The following UNC5D variants were observed in gnomAD, a reference collection of about 807,000 sequenced individuals.
UNC5D encodes the protein netrin receptor UNC5D.
A neutral mutation model predicts 105.4 loss-of-function variants in UNC5D; 39 were observed. The ratio of observed to expected loss-of-function variants is 0.37; its 90% CI spans 0.29 to 0.48. UNC5D has a LOEUF of 0.48. UNC5D is among the 20% of genes least tolerant of loss of function. The pLI, the probability that UNC5D is intolerant of heterozygous loss-of-function variation, is 0.98. For missense variants in UNC5D, 991 were observed against 1,202.4 expected, an observed-to-expected ratio of 0.82 and a Z score of 2.60; for synonymous variants, 452 against 450.4, an observed-to-expected ratio of 1.00 and a Z score of -0.04.
At chr8:35,766,452 A>G (rs975129857) in intron 14 of UNC5D, among the ~76,000 whole-genome samples, 2 of 152,130 alleles carry the variant, frequency 1.3e-5, no homozygotes, top group African/African-American at 2.4e-5. Context: ...TGTGGTGTGG[A>G]GTTAAGTTCT....
In UNC5D at chr8:35,494,380, G is replaced by A. The variant is rs143020615; in HGVS notation, c.104-54912G>A. Among the ~76,000 whole-genome samples the A allele has an allele frequency of 1.8e-3, 276 of 151,956 alleles. 2 individuals carry two copies. The highest frequency in any genetic ancestry group is 3.4e-3 in the Middle Eastern group (1 of 294). ...TAATGAAATTTTATTTACATATTAG[G>A]ATTATTTCCCTTGATAATAGAGGTA... On this transcript the variant is annotated intron_variant, in intron 1 of 16. Coordinates refer to ENST00000404895, the MANE Select transcript of UNC5D (RefSeq NM_080872.4).
rs920971516 is a variant in UNC5D, at chr8:35,342,765, G to A, written c.103+106878G>A. Among the ~76,000 whole-genome samples the A allele has an allele frequency of 5.9e-5, 9 of 152,002 alleles. No homozygotes were observed. The South Asian group carries it at 8.3e-4, about 14-fold the overall frequency. ...CTAGCTCAGGGGAGACACTGTGCTC[G>A]ATCACCTCCATTTAGATTCTATGCT... On this transcript the variant is annotated intron_variant, in intron 1 of 16. Coordinates refer to ENST00000404895, the MANE Select transcript of UNC5D (RefSeq NM_080872.4).
intron 1 of UNC5D, among the ~76,000 whole-genome samples, chr8:35,244,086 T>C (rs535664712): frequency 3.4e-4 from 52 of 152,316 alleles, no homozygotes; most frequent in African/African-American, 1.2e-3. Flanking sequence ...GTTTAATTCA[T>C]GTGCATGCAA....
At chr8:35,426,787 G>A (rs1393801631) in intron 1 of UNC5D, among the ~76,000 whole-genome samples, 2 of 152,116 alleles carry the variant, frequency 1.3e-5, no homozygotes, top group Non-Finnish European at 2.9e-5. Context: ...AACCATTATT[G>A]TTAGCTAGAC....
In UNC5D at chr8:35,726,326, T is replaced by A; in HGVS notation, c.1478T>A (p.Leu493Gln). ...VKVQSSFMVS[L>Q]GVSERAEYHG... ...GTCCAGAGCTCGTTCATGGTTTCCCTGGGAGTGTCTGAGAGAGCTGAGTAC... is the reference window on the plus strand; with the variant it reads ...GTCCAGAGCTCGTTCATGGTTTCCCAGGGAGTGTCTGAGAGAGCTGAGTAC... The change falls in exon 10 of 17, where the codon CTG (leucine) becomes CAG (glutamine). Residue 493 changes from leucine (L) to glutamine (Q), a missense_variant. Physicochemically the swap from Leu to Gln is moderately radical, Grantham distance 113. Coordinates refer to ENST00000404895, the MANE Select transcript of UNC5D (RefSeq NM_080872.4). 6.2e-7 allele frequency: 1 copy of A among 1,614,130 alleles called. No individual in the cohort carries two copies. Among genetic ancestry groups the A allele is most frequent in the Non-Finnish European group, 8.5e-7 (1 of 1,180,000 alleles).
At chr8:35,677,258 A>G (rs1188801054) in intron 4 of UNC5D, among the ~76,000 whole-genome samples, 2 of 152,196 alleles carry the variant, frequency 1.3e-5, no homozygotes, top group African/African-American at 2.4e-5. Flanking sequence ...TTTTAAAAAT[A>G]CCCATGCCTC....
intron 4 of UNC5D, among the ~76,000 whole-genome samples, chr8:35,662,735 C>T (rs989809216): frequency 6.6e-6 from 1 of 152,250 alleles, no homozygotes; most frequent in Non-Finnish European, 1.5e-5. Flanking sequence ...TTTGTTAGAG[C>T]GGTGAGGTTT....
chr8:35,411,511 G>A (rs921842382), intron 1 of UNC5D, among the ~76,000 whole-genome samples: 14 of 152,066 alleles, frequency 9.2e-5, no homozygotes, highest in African/African-American at 3.4e-4. Context: ...GCCCAGAACA[G>A]TGCTCACACA....
At chr8:35,315,358 C>T (rs1363453416) in intron 1 of UNC5D, among the ~76,000 whole-genome samples, 4 of 152,116 alleles carry the variant, frequency 2.6e-5, no homozygotes, top group East Asian at 1.9e-4. Flanking sequence ...CCTTCATCTG[C>T]GCTCAGCTGT....
intron 1 of UNC5D, among the ~76,000 whole-genome samples, chr8:35,432,462 G>T (rs774176916): frequency 2.0e-5 from 3 of 152,228 alleles, no homozygotes; most frequent in African/African-American, 7.2e-5. Flanking sequence ...TGTCCAGGGT[G>T]CTGAAAAGCC....
rs754411894 is a variant in UNC5D at position 35,759,354 on chromosome 8, AGC to A, written c.2199_2200del (p.Gln733HisfsTer16). ...TCAGATGAAAGGCATCAAGGTGGAC[AGC>A]TCCTGGAAGAACCAAAATTGCTGCA... On this transcript the variant is annotated frameshift_variant, in exon 14 of 17. Transcript: ENST00000404895. LOFTEE classifies it high-confidence loss of function. 1.2e-6 allele frequency: 2 copies of A among 1,613,778 alleles called. No homozygotes were observed. Among genetic ancestry groups the A allele is most frequent in the Admixed American group, 3.3e-5 (2 of 59,936 alleles).
chr8:35,665,015 A>G, intron 4 of UNC5D, among the ~76,000 whole-genome samples: 1 of 151,886 alleles, frequency 6.6e-6, no homozygotes, highest in African/African-American at 2.4e-5. Context: ...TTAAGTTTTT[A>G]TAGAGACAGG....
chr8:35,743,149 T>C (rs1829843196), intron 11 of UNC5D, among the ~76,000 whole-genome samples: 1 of 152,324 alleles, frequency 6.6e-6, no homozygotes, highest in South Asian at 2.1e-4. Flanking sequence ...ACTTATATTG[T>C]AGCCTAGAAT....
At chr8:35,636,917 G>C (rs1563617422) in intron 4 of UNC5D, among the ~76,000 whole-genome samples, 1 of 152,234 alleles carries the variant, frequency 6.6e-6, no homozygotes, top group Non-Finnish European at 1.5e-5. Flanking sequence ...CTGTTGCCTA[G>C]TGAGACCAGG....
intron 1 of UNC5D, among the ~76,000 whole-genome samples, chr8:35,381,677 G>A (rs1803051777): frequency 1.3e-5 from 2 of 152,130 alleles, no homozygotes; most frequent in Admixed American, 1.3e-4. Flanking sequence ...CTGAAGCACT[G>A]CCATTAGTTT....
chr8:35,431,851 G>A (rs574838610), intron 1 of UNC5D, among the ~76,000 whole-genome samples: 7 of 151,908 alleles, frequency 4.6e-5, no homozygotes, highest in African/African-American at 9.6e-5. Flanking sequence ...TTATGAATTC[G>A]GATTTAACTC....
intron 1 of UNC5D, among the ~76,000 whole-genome samples, chr8:35,400,477 A>G (rs1357754584): frequency 6.6e-6 from 1 of 152,104 alleles, no homozygotes; most frequent in Non-Finnish European, 1.5e-5. Flanking sequence ...TCAGGCAGGG[A>G]CACTTTCTTC....
chr8:35,722,342 C>T lies in UNC5D; in HGVS notation c.1250C>T (p.Ser417Phe). The change falls in exon 9 of 17, where the codon TCT (serine) becomes TTT (phenylalanine). Residue 417 changes from serine to phenylalanine, a missense_variant. Physicochemically the swap from Ser to Phe is radical, Grantham distance 155. Around this residue, in one of 3 missense-constraint regions of UNC5D, gnomAD observed 944 missense variants for 1,131.6 expected, o/e 0.83. Coordinates refer to ENST00000404895, the MANE Select transcript of UNC5D (RefSeq NM_080872.4). ...QSDYGVDVID[S>F]SALTGGFQTF... ...GACTATGGCGTGGACGTCATTGACT[C>T]TTCTGCATTGACAGGTGGCTTCCAG... 1 of 1,614,146 alleles carries T rather than the reference C, an allele frequency of 6.2e-7. No individual in the cohort carries two copies.
chr8:35,478,925 G>C (rs908549670), intron 1 of UNC5D, among the ~76,000 whole-genome samples: 1 of 152,036 alleles, frequency 6.6e-6, no homozygotes, highest in Non-Finnish European at 1.5e-5. Flanking sequence ...TGTAGAAGAG[G>C]GTTTTAGAAA....
Sources: allele counts gnomAD v4.1 joint callset (sites outside exome capture counted in the v4.1 genomes callset), GRCh38; gene constraint gnomAD v4.1.1; regional missense constraint gnomAD v4.1.1; transcripts MANE v1.5; gene names NCBI Gene and HGNC (gene_info 2026-07-23, HGNC 2026-07-21).